RABGAP1L: variants seen among roughly 807,000 people sequenced by gnomAD.
RABGAP1L encodes the protein rab GTPase-activating protein 1-like.
RABGAP1L carries 63 observed loss-of-function variants against 137.7 expected under a neutral mutation model. The observed-to-expected ratio is 0.46, with a 90% confidence interval of 0.37 to 0.56. The LOEUF is 0.56. RABGAP1L is among the 20% of genes least tolerant of loss of function. The pLI is 0.00. For synonymous variants in RABGAP1L, 431 were observed against 433.7 expected (o/e 0.99, Z 0.08); for missense variants, 1,095 against 1,244.0 (o/e 0.88, Z 1.80).
chr1:174,756,100 T>A (rs1000658569), intron 18 of RABGAP1L, among the ~76,000 whole-genome samples: 1 of 152,178 alleles, frequency 6.6e-6, no homozygotes, highest in Non-Finnish European at 1.5e-5. Context: ...ACTGAGGTGC[T>A]ATTGTTAGAG....
intron 13 of RABGAP1L, among the ~76,000 whole-genome samples, chr1:174,501,747 A>G (rs559118334): frequency 6.6e-6 from 1 of 152,268 alleles, no homozygotes; most frequent in African/African-American, 2.4e-5. Context: ...TTAAAAATCC[A>G]TAACTTAGTA....
chr1:174,674,947 C>G (rs1677496269), intron 14 of RABGAP1L, among the ~76,000 whole-genome samples: 1 of 152,100 alleles, frequency 6.6e-6, no homozygotes, highest in Non-Finnish European at 1.5e-5. Context: ...TTGTTTTTTA[C>G]TTGTAAATTT....
chr1:174,523,073 G>A (rs941894728), intron 13 of RABGAP1L, among the ~76,000 whole-genome samples: 1 of 152,202 alleles, frequency 6.6e-6, no homozygotes, highest in Non-Finnish European at 1.5e-5. Context: ...TCTTCTGTTA[G>A]CCCTCAGCAT....
At chr1:174,729,879 A>C (rs561179025) in intron 17 of RABGAP1L, among the ~76,000 whole-genome samples, 1 of 152,334 alleles carries the variant, frequency 6.6e-6, no homozygotes, top group East Asian at 1.9e-4. Flanking sequence ...TGGGAATGTA[A>C]ATTCAGTTCA....
At chr1:174,402,057 T>G (rs1648658247) in intron 13 of RABGAP1L, among the ~76,000 whole-genome samples, 1 of 152,168 alleles carries the variant, frequency 6.6e-6, no homozygotes, top group African/African-American at 2.4e-5. Flanking sequence ...TACTCAATGC[T>G]AGGACTGCCC....
At chr1:174,308,440 C>T (rs1366959569) in intron 11 of RABGAP1L, among the ~76,000 whole-genome samples, 2 of 151,662 alleles carry the variant, frequency 1.3e-5, no homozygotes, top group African/African-American at 4.8e-5. Context: ...GGGTTTTATC[C>T]AAAAAATCAT....
chr1:174,285,664 A>G (rs565901251), intron 10 of RABGAP1L, among the ~76,000 whole-genome samples: 2 of 152,176 alleles, frequency 1.3e-5, no homozygotes, highest in South Asian at 2.1e-4. Context: ...TATGTTGAAT[A>G]GATGTGGTGA....
At chr1:174,760,348 G>T (rs1685121264) in intron 18 of RABGAP1L, among the ~76,000 whole-genome samples, 1 of 152,052 alleles carries the variant, frequency 6.6e-6, no homozygotes, top group Non-Finnish European at 1.5e-5. Context: ...CCTCAAGTAG[G>T]CCCCATGTCT....
intron 14 of RABGAP1L, among the ~76,000 whole-genome samples, chr1:174,665,458 T>TGCCTC (rs1340770471): frequency 8.8e-4 from 114 of 129,482 alleles, no homozygotes; most frequent in Admixed American, 1.3e-3. Flanking sequence ...CGCCTCGCCT[T>TGCCTC]GCCTCTTTCC....
intron 13 of RABGAP1L, among the ~76,000 whole-genome samples, chr1:174,540,343 G>A (rs994623006): frequency 2.6e-5 from 4 of 152,066 alleles, no homozygotes; most frequent in African/African-American, 9.7e-5. Context: ...ATTGTTTTTG[G>A]TGTTTTAGTC....
At position 174,992,491 on chromosome 1, in the gene RABGAP1L, T is replaced by TTGAG. The variant is rs1672127199; in HGVS notation, c.*2492_*2495dup. 1 of 152,182 alleles carries TTGAG rather than the reference T, an allele frequency of 6.6e-6. No individual in the cohort carries two copies. 9.4% of individuals were successfully genotyped at this position (152,182 alleles called of 1,614,324 possible). ...CTCTCAAGTTTGATAAGTCCATCTTTTGAGTTTTCTTTTAGCTCTTTCAAA... is the reference window on the plus strand; with the variant it reads ...CTCTCAAGTTTGATAAGTCCATCTTTTGAGTGAGTTTTCTTTTAGCTCTTTCAAA... On this transcript the variant is annotated 3_prime_UTR_variant, in exon 26 of 26. Coordinates refer to ENST00000681986, the MANE Select transcript of RABGAP1L (RefSeq NM_001366446.1).
intron 11 of RABGAP1L, among the ~76,000 whole-genome samples, chr1:174,347,356 A>T (rs1181124996): frequency 1.3e-5 from 2 of 152,026 alleles, no homozygotes; most frequent in Non-Finnish European, 2.9e-5. Context: ...CTCTTTCTTT[A>T]GTTCTAATAT....
chr1:174,770,919 T>C (rs1380368113), intron 18 of RABGAP1L, among the ~76,000 whole-genome samples: 1 of 152,224 alleles, frequency 6.6e-6, no homozygotes, highest in Non-Finnish European at 1.5e-5. Flanking sequence ...TGTCCTGAAG[T>C]TGTCACATCT....
chr1:174,651,045 C>T (rs931444595), intron 14 of RABGAP1L, among the ~76,000 whole-genome samples: 14 of 151,362 alleles, frequency 9.2e-5, no homozygotes, highest in African/African-American at 2.2e-4. Flanking sequence ...TCTTTGTTCT[C>T]GTTGGTTTCA....
chr1:174,281,596 G>A (rs1398373594), intron 10 of RABGAP1L, among the ~76,000 whole-genome samples: 1 of 152,156 alleles, frequency 6.6e-6, no homozygotes, highest in African/African-American at 2.4e-5. Context: ...GGTGTAAGTG[G>A]GAAACACCAA....
intron 18 of RABGAP1L, among the ~76,000 whole-genome samples, chr1:174,759,122 G>C (rs1038465226): frequency 6.6e-6 from 1 of 152,048 alleles, no homozygotes; most frequent in African/African-American, 2.4e-5. Flanking sequence ...GCCAGGTACT[G>C]TTCTAGACAT....
chr1:174,501,227 T>C (rs1426021333), intron 13 of RABGAP1L, among the ~76,000 whole-genome samples: 1 of 151,734 alleles, frequency 6.6e-6, no homozygotes, highest in Non-Finnish European at 1.5e-5. Flanking sequence ...TTTTTTTTTT[T>C]TTTTGAGATG....
At chr1:174,514,999 C>T (rs1423999795) in intron 13 of RABGAP1L, among the ~76,000 whole-genome samples, 2 of 151,988 alleles carry the variant, frequency 1.3e-5, no homozygotes, top group African/African-American at 4.8e-5. Context: ...CATTATTCAT[C>T]CCATTATATA....
intron 4 of RABGAP1L, among the ~76,000 whole-genome samples, chr1:174,232,505 C>T (rs1201388302): frequency 6.6e-5 from 10 of 151,104 alleles, no homozygotes; most frequent in East Asian, 3.9e-4. Flanking sequence ...AAAAAGTGGC[C>T]GGGCGCGGTG....
Sources: allele counts gnomAD v4.1 joint callset (sites outside exome capture counted in the v4.1 genomes callset), GRCh38; gene constraint gnomAD v4.1.1; transcripts MANE v1.5; gene names NCBI Gene and HGNC (gene_info 2026-07-23, HGNC 2026-07-21).